SRGAP3: variants seen among roughly 807,000 people sequenced by gnomAD.
SRGAP3 encodes the protein SLIT-ROBO Rho GTPase-activating protein 3.
Under a neutral mutation model 121.1 loss-of-function variants are expected in SRGAP3, and 39 were observed. The ratio of observed to expected loss-of-function variants is 0.32; its 90% CI spans 0.25 to 0.42. The LOEUF (loss-of-function observed/expected upper bound fraction) is 0.42, where lower values mean the gene tolerates loss of function less well. SRGAP3 is among the 10% of genes least tolerant of loss of function. SRGAP3 has a pLI of 1.00. For synonymous variants in SRGAP3, 601 were observed against 570.0 expected (o/e 1.05, Z -0.77); for missense variants, 1,213 against 1,470.6 (o/e 0.82, Z 2.86).
chr3:9,088,214 G>A (rs1575055798), intron 3 of SRGAP3, among the ~76,000 whole-genome samples: 1 of 152,254 alleles, frequency 6.6e-6, no homozygotes, highest in East Asian at 1.9e-4. Context: ...TGCCTGCAGG[G>A]GTCAGGGTGG....
Position 9,064,600 on chromosome 3 carries a change from G to T in SRGAP3, c.487-19C>A. ...TCATGACCTGGGGGTGCACAAGTAG[G>T]GGAAATCAGCAGCCAGCTATGGCCC... is the stretch of plus-strand genomic sequence containing the variant. On this transcript the variant is annotated intron_variant, in intron 4 of 21. Transcript: ENST00000383836. The T allele has an allele frequency of 6.2e-7, 1 of 1,613,702 alleles. No homozygotes were observed. Among genetic ancestry groups the T allele is most frequent in the South Asian group, 1.1e-5 (1 of 91,048 alleles).
intron 10 of SRGAP3, among the ~76,000 whole-genome samples, chr3:9,044,756 T>G (rs1433175409): frequency 6.6e-6 from 1 of 152,146 alleles, no homozygotes; most frequent in Non-Finnish European, 1.5e-5. Context: ...CAGGAAAAGG[T>G]GAATCACCAG....
At chr3:9,184,589 G>A (rs1951537503) in intron 1 of SRGAP3, among the ~76,000 whole-genome samples, 1 of 152,170 alleles carries the variant, frequency 6.6e-6, no homozygotes, top group Admixed American at 6.6e-5. Context: ...TATTAGAAAT[G>A]CAGACACAGA....
At chr3:9,243,634 T>TA (rs34944051) in intron 1 of SRGAP3, among the ~76,000 whole-genome samples, 31,165 of 136,996 alleles carry the variant, frequency 0.23, 4,237 homozygotes, top group Non-Finnish European at 0.31. Context: ...GACTCTGTCT[T>TA]AAAAAAAAAA....
chr3:9,245,950 A>G (rs756734440), intron 1 of SRGAP3, among the ~76,000 whole-genome samples: 1 of 152,180 alleles, frequency 6.6e-6, no homozygotes, highest in African/African-American at 2.4e-5. Context: ...AATGCTTACA[A>G]GAGCCAGAGC....
At chr3:9,263,169 T>G (rs1027639846) in intron 3 of SRGAP3, among the ~76,000 whole-genome samples, 1 of 152,146 alleles carries the variant, frequency 6.6e-6, no homozygotes, top group African/African-American at 2.4e-5. Flanking sequence ...TTGAAACCAA[T>G]GAGAACAAAG....
At chr3:9,055,688 C>T (rs1945786824) in intron 8 of SRGAP3, among the ~76,000 whole-genome samples, 1 of 152,146 alleles carries the variant, frequency 6.6e-6, no homozygotes, top group Admixed American at 6.5e-5. Flanking sequence ...AATGATAAAA[C>T]AGAAATTCAT....
intron 1 of SRGAP3, among the ~76,000 whole-genome samples, chr3:9,238,269 T>C (rs1468999730): frequency 3.3e-5 from 5 of 152,216 alleles, no homozygotes; most frequent in Non-Finnish European, 1.5e-5. Flanking sequence ...GTTAATACTT[T>C]GAAATATTGA....
chr3:9,220,948 C>T (rs1360271710), intron 1 of SRGAP3, among the ~76,000 whole-genome samples: 1 of 152,206 alleles, frequency 6.6e-6, no homozygotes, highest in Non-Finnish European at 1.5e-5. Context: ...ACCCCACCTC[C>T]CATCCTCTCA....
At chr3:9,295,515 T>C (rs893534764) in intron 3 of SRGAP3, among the ~76,000 whole-genome samples, 30 of 152,164 alleles carry the variant, frequency 2.0e-4, no homozygotes, top group Non-Finnish European at 4.3e-4. Flanking sequence ...TTCTTCATCC[T>C]GAGAGCCCAC....
intron 2 of SRGAP3, among the ~76,000 whole-genome samples, chr3:9,111,833 C>T (rs763580671): frequency 1.8e-4 from 27 of 152,208 alleles, no homozygotes; most frequent in Admixed American, 9.2e-4. Context: ...GTGACCCTTC[C>T]GCTTCTCCAA....
intron 3 of SRGAP3, among the ~76,000 whole-genome samples, chr3:9,084,445 T>A (rs561808747): frequency 1.3e-5 from 2 of 152,230 alleles, no homozygotes; most frequent in South Asian, 4.2e-4. Flanking sequence ...AAGAAAGAAA[T>A]GCATGTAGCC....
Position 9,282,303 on chromosome 3 carries a change from C to CA in SRGAP3, n.442+43706dup, listed in dbSNP as rs575438720. Among the ~76,000 whole-genome samples the CA allele has an allele frequency of 2.1e-3, 315 of 152,222 alleles. 1 individual carries two copies. The highest frequency in any genetic ancestry group is 7.1e-3 in the African/African-American group (295 of 41,536). ...CTTTAAGATAACAATTAACTCATTA[C>CA]ATGTGAACATTACATATTTTATAAA... On this transcript the variant is annotated intron_variant and non_coding_transcript_variant, in intron 3 of 3. Transcript: ENST00000490889.
At chr3:9,171,218 G>A (rs965486719) in intron 1 of SRGAP3, among the ~76,000 whole-genome samples, 1 of 152,190 alleles carries the variant, frequency 6.6e-6, no homozygotes, top group African/African-American at 2.4e-5. Flanking sequence ...TTAAGACAAC[G>A]TGTTACTCCT....
chr3:9,151,510 G>A (rs576597420), intron 1 of SRGAP3, among the ~76,000 whole-genome samples: 42 of 152,200 alleles, frequency 2.8e-4, no homozygotes, highest in African/African-American at 9.7e-4. Context: ...TAATCTGGCC[G>A]ACTAACGAGA....
intron 2 of SRGAP3, among the ~76,000 whole-genome samples, chr3:9,110,495 G>A (rs972086359): frequency 6.6e-6 from 1 of 152,254 alleles, no homozygotes; most frequent in African/African-American, 2.4e-5. Context: ...CAATCCCCGG[G>A]AAGCATGGCA....
intron 1 of SRGAP3, among the ~76,000 whole-genome samples, chr3:9,171,997 A>G (rs952222492): frequency 6.6e-6 from 1 of 151,114 alleles, no homozygotes; most frequent in Non-Finnish European, 1.5e-5. Flanking sequence ...TCATGCTCCC[A>G]TGGCCTTCTC....
chr3:9,195,473 C>T (rs1393811588), intron 1 of SRGAP3, among the ~76,000 whole-genome samples: 1 of 152,088 alleles, frequency 6.6e-6, no homozygotes, highest in African/African-American at 2.4e-5. Context: ...GGGTGAGGAA[C>T]AACTTGTGGT....
chr3:9,354,169 C>A (rs374099807), intron 1 of SRGAP3, among the ~76,000 whole-genome samples: 2 of 152,086 alleles, frequency 1.3e-5, no homozygotes, highest in East Asian at 3.8e-4. Flanking sequence ...GGCTAAACTT[C>A]AAGTACCATA....
Sources: gnomAD v4.1 joint callset for allele counts (sites outside exome capture counted in the v4.1 genomes callset) on GRCh38, gnomAD v4.1.1 for gene constraint, MANE v1.5 for transcripts, NCBI Gene and HGNC (gene_info 2026-07-23, HGNC 2026-07-21) for gene names.